The following THOC7 variants were observed in gnomAD, a reference collection of about 807,000 sequenced individuals.
The protein encoded by THOC7 is NIF3L1-binding protein 1.
Under a neutral mutation model 33.1 loss-of-function variants are expected in THOC7, and 22 were observed. The ratio of observed to expected loss-of-function variants is 0.66; its 90% CI spans 0.47 to 0.95. The LOEUF (loss-of-function observed/expected upper bound fraction) is 0.95, where lower values mean the gene tolerates loss of function less well. THOC7 is among the 40% of genes least tolerant of loss of function. The pLI, the probability that THOC7 is intolerant of heterozygous loss-of-function variation, is 0.00. For synonymous variants in THOC7, 77 were observed against 76.8 expected, an observed-to-expected ratio of 1.00 and a Z score of -0.01; for missense variants, 184 against 245.3, an observed-to-expected ratio of 0.75 and a Z score of 1.67.
At chr3:63,863,321 A>C (rs1028804662) in intron 1 of THOC7, 1 of 528,520 alleles carries the variant, frequency 1.9e-6, no homozygotes, top group Non-Finnish European at 2.4e-6. Context: ...CCAGACCTCC[A>C]CAAACCTTCC....
At chr3:63,858,275 T>C (rs960050710) in intron 1 of THOC7, among the ~76,000 whole-genome samples, 1 of 152,220 alleles carries the variant, frequency 6.6e-6, no homozygotes, top group South Asian at 2.1e-4. Context: ...ACAAAGTGTG[T>C]ACTATTATCT....
chr3:63,845,696 G>A (rs1326345240), intron 1 of THOC7, among the ~76,000 whole-genome samples: 1 of 152,176 alleles, frequency 6.6e-6, no homozygotes, highest in African/African-American at 2.4e-5. Context: ...CATTAGCTAA[G>A]TTGGTCAAGG....
chr3:63,843,593 C>G (rs1352065889), intron 1 of THOC7, among the ~76,000 whole-genome samples: 1 of 152,008 alleles, frequency 6.6e-6, no homozygotes, highest in Non-Finnish European at 1.5e-5. Flanking sequence ...TGTTTACCAA[C>G]AGATGAATGA....
chr3:63,835,505 G>T, intron 5 of THOC7, 115 bp from the exon 6 acceptor site: 1 of 894,112 alleles, frequency 1.1e-6, no homozygotes, highest in South Asian at 1.7e-5. Context: ...GGGCTTATAA[G>T]GAGTTATAAC....
intron 2 of THOC7, among the ~76,000 whole-genome samples, chr3:63,838,976 A>C (rs1211045634): frequency 6.6e-6 from 1 of 152,214 alleles, no homozygotes; most frequent in Non-Finnish European, 1.5e-5. Context: ...AGATCACTTA[A>C]TGCTAGAAGT....
intron 1 of THOC7, among the ~76,000 whole-genome samples, chr3:63,841,518 G>A (rs1192619781): frequency 2.6e-5 from 4 of 152,150 alleles, no homozygotes; most frequent in South Asian, 2.1e-4. Context: ...ATTTTTGAGC[G>A]CAGGTGCAGC....
intron 1 of THOC7, among the ~76,000 whole-genome samples, chr3:63,852,396 G>A: frequency 6.6e-6 from 1 of 152,186 alleles, no homozygotes; most frequent in East Asian, 1.9e-4. Context: ...TGGAAGATTG[G>A]AGATTATCTT....
intron 1 of THOC7, chr3:63,854,702 T>A (rs148774053): frequency 1.3e-5 from 2 of 151,802 alleles, no homozygotes; most frequent in East Asian, 3.9e-4. Flanking sequence ...GACTGTGGAG[T>A]GTGAATCTGA....
chr3:63,848,262 T>G (rs770517843), intron 1 of THOC7: 1 of 152,192 alleles, frequency 6.6e-6, no homozygotes, highest in Non-Finnish European at 1.5e-5. Context: ...ATTTACCATC[T>G]ATTCTCTGTG....
chr3:63,864,178 G>T (rs1206985846), upstream of THOC7, among the ~76,000 whole-genome samples: 2 of 150,364 alleles, frequency 1.3e-5, no homozygotes, highest in Non-Finnish European at 3.0e-5. Context: ...CCCGGACGCC[G>T]CCAGGGCTGC....
chr3:63,842,540 C>G (rs1386039663), intron 1 of THOC7, among the ~76,000 whole-genome samples: 1 of 152,168 alleles, frequency 6.6e-6, no homozygotes, highest in African/African-American at 2.4e-5. Context: ...GAAATAGTGT[C>G]TTCTGCAGCA....
chr3:63,834,648 A>G (rs1701591120), intron 7 of THOC7, among the ~76,000 whole-genome samples: 1 of 151,708 alleles, frequency 6.6e-6, no homozygotes, highest in Non-Finnish European at 1.5e-5. Flanking sequence ...TGACAGAGCA[A>G]GACTGTCTTA....
At chr3:63,860,671 C>T (rs890428977) in intron 1 of THOC7, 3 of 152,174 alleles carry the variant, frequency 2.0e-5, no homozygotes, top group Non-Finnish European at 2.9e-5. Context: ...ACTTTATCCT[C>T]CTGCATTTTG....
intron 2 of THOC7, 27 bp downstream of exon 2, chr3:63,839,629 A>C (rs1377180279): frequency 6.3e-7 from 1 of 1,583,882 alleles, no homozygotes; most frequent in Non-Finnish European, 8.7e-7. Flanking sequence ...GGACACTGGT[A>C]TGGAAACAAC....
intron 1 of THOC7, chr3:63,848,325 CCTT>C (rs1701946962): frequency 6.6e-6 from 1 of 152,104 alleles, no homozygotes; most frequent in South Asian, 2.1e-4. Flanking sequence ...CTCCACAACC[CCTT>C]ATTTCAACCC....
In THOC7 at chr3:63,836,297, T is replaced by A. The variant is rs780787227; in HGVS notation, c.410+4A>T. 9 of 1,612,216 alleles carry A rather than the reference T, an allele frequency of 5.6e-6. No individual in the cohort carries two copies. The East Asian group carries it at 2.0e-4, about 36-fold the overall frequency. On this transcript the variant is annotated splice_donor_region_variant and intron_variant, in intron 5 of 7. Transcript: ENST00000295899. Reference sequence around the variant, plus strand: ...TTCCTTTCAAAGTAAAGCTCTACACTTACTTTAATGTCTCATGCCTGTCTG... The same window carrying A: ...TTCCTTTCAAAGTAAAGCTCTACACATACTTTAATGTCTCATGCCTGTCTG...
rs1369850703 is a variant in THOC7 at position 63,842,050 on chromosome 3, A to AT, written c.20-2278dup. Among the ~76,000 whole-genome samples the AT allele has an allele frequency of 2.0e-5, 3 of 152,300 alleles. No individual in the cohort carries two copies. In the East Asian group the frequency reaches 5.8e-4, roughly 29 times the overall value. ...GGCAACCTGGGGAGTGAGTGCCCTG[A>AT]TTGAGAGGAAAAAATATTAATAGAT... On this transcript the variant is annotated intron_variant, in intron 1 of 7. Coordinates refer to ENST00000295899, the MANE Select transcript of THOC7 (RefSeq NM_025075.4).
chr3:63,838,085 A>G, intron 3 of THOC7, 23 bp from the exon 4 acceptor site: 1 of 1,557,880 alleles, frequency 6.4e-7, no homozygotes, highest in Non-Finnish European at 8.7e-7. Flanking sequence ...GTTTTTTAAA[A>G]GATAGTTGTA....
chr3:63,834,241 C>T (rs769584752), intron 7 of THOC7, 42 bp from the exon 8 acceptor site: 3 of 1,597,622 alleles, frequency 1.9e-6, no homozygotes, highest in Admixed American at 1.7e-5. Context: ...TCAAGTTTGC[C>T]TATATTTTAT....
Sources: gnomAD v4.1 joint callset for allele counts (sites outside exome capture counted in the v4.1 genomes callset) on GRCh38, gnomAD v4.1.1 for gene constraint, MANE v1.5 for transcripts, NCBI Gene and HGNC (gene_info 2026-07-23, HGNC 2026-07-21) for gene names.